The following MYO16 variants were observed in gnomAD, a reference collection of about 807,000 sequenced individuals.
The protein encoded by MYO16 is myosin XVI, also known as unconventional myosin-XVI.
A neutral mutation model predicts 205.3 loss-of-function variants in MYO16; 94 were observed. The ratio of observed to expected loss-of-function variants is 0.46; its 90% confidence interval spans 0.39 to 0.54. MYO16 has a LOEUF of 0.54. Among genes scored for constraint, MYO16 ranks in the 20% least tolerant of loss-of-function variants. The pLI, the probability that MYO16 is intolerant of heterozygous loss-of-function variation, is 0.00. For missense variants in MYO16, 2,315 were observed against 2,387.5 expected (o/e 0.97, Z 0.63); for synonymous variants, 988 against 954.0 (o/e 1.04, Z -0.66).
upstream of MYO16, chr13:108,629,506 C>T (rs186832322): frequency 3.1e-4 from 75 of 242,278 alleles, no homozygotes; most frequent in East Asian, 4.8e-3. Flanking sequence ...AGCACACCTC[C>T]GTGCAGCAGA....
rs865894694 is a variant in MYO16 at position 108,931,178 on chromosome 13, T to C, written c.1925+21028T>C. Among the ~76,000 whole-genome samples, 3 of 152,144 alleles carry C rather than the reference T, an allele frequency of 2.0e-5. No individual in the cohort carries two copies. The South Asian group carries it at 6.2e-4, about 31-fold the overall frequency. ...ATTCATATGATTCATATTTAAAGTTTTTATGATGGAAAAAATTCTAAAACC... is the reference window on the plus strand; with the variant it reads ...ATTCATATGATTCATATTTAAAGTTCTTATGATGGAAAAAATTCTAAAACC... On this transcript the variant is annotated intron_variant, in intron 16 of 34. Coordinates refer to ENST00000457511, the MANE Select transcript of MYO16 (RefSeq NM_001198950.3).
intron 7 of MYO16, among the ~76,000 whole-genome samples, chr13:108,809,297 CTTCT>C (rs1887213044): frequency 6.6e-6 from 1 of 152,152 alleles, no homozygotes; most frequent in African/African-American, 2.4e-5. Flanking sequence ...CATATACTTC[CTTCT>C]ATTTTCTCAC....
the MYO16 span, among the ~76,000 whole-genome samples, chr13:108,559,470 CTTTTT>C: frequency 3.4e-5 from 3 of 87,424 alleles, no homozygotes; most frequent in East Asian, 3.5e-4. Context: ...TTTTTCTTTT[CTTTTT>C]TTTTTTTTTT....
chr13:109,066,581 C>T (rs902809837), intron 27 of MYO16, among the ~76,000 whole-genome samples: 5 of 152,142 alleles, frequency 3.3e-5, no homozygotes, highest in African/African-American at 1.2e-4. Context: ...TGTTATGCTG[C>T]TCAGTACATT....
chr13:108,869,656 G>A (rs1392249018), intron 12 of MYO16, among the ~76,000 whole-genome samples: 3 of 148,636 alleles, frequency 2.0e-5, no homozygotes, highest in Admixed American at 6.7e-5. Flanking sequence ...GCGTGAACCC[G>A]GGAGGCGGAG....
chr13:108,943,012 C>A (rs890323937), intron 16 of MYO16, among the ~76,000 whole-genome samples: 1 of 152,092 alleles, frequency 6.6e-6, no homozygotes, highest in African/African-American at 2.4e-5. Flanking sequence ...AGTAAGGAAG[C>A]ATGATTAGTA....
At chr13:108,835,280 G>A (rs1254154994) in intron 9 of MYO16, among the ~76,000 whole-genome samples, 1 of 152,076 alleles carries the variant, frequency 6.6e-6, no homozygotes, top group East Asian at 1.9e-4. Context: ...AGATCTGATG[G>A]TTTTATAAGC....
At chr13:108,955,182 G>A (rs1287236442) in intron 16 of MYO16, among the ~76,000 whole-genome samples, 2 of 152,148 alleles carry the variant, frequency 1.3e-5, no homozygotes, top group South Asian at 2.1e-4. Flanking sequence ...TACCTGTGTC[G>A]TCCTAGAAAG....
At chr13:108,930,976 TA>T (rs894050359) in intron 16 of MYO16, among the ~76,000 whole-genome samples, 21 of 152,310 alleles carry the variant, frequency 1.4e-4, no homozygotes, top group Admixed American at 1.0e-3. Flanking sequence ...TGCTGAAGTA[TA>T]AAATATCTGT....
the MYO16 span, among the ~76,000 whole-genome samples, chr13:108,518,486 G>A: frequency 2.0e-5 from 3 of 152,100 alleles, no homozygotes; most frequent in East Asian, 5.8e-4. Context: ...TTTCCAGGAA[G>A]GCAGGAAGAA....
chr13:109,093,065 C>T (rs910451375), intron 27 of MYO16, among the ~76,000 whole-genome samples: 5 of 152,162 alleles, frequency 3.3e-5, no homozygotes, highest in South Asian at 4.2e-4. Flanking sequence ...TGTATGGAAG[C>T]GTGTTTTTAT....
the MYO16 span, among the ~76,000 whole-genome samples, chr13:108,523,735 T>A: frequency 6.6e-6 from 1 of 152,196 alleles, no homozygotes; most frequent in African/African-American, 2.4e-5. Flanking sequence ...CCCAGCCAAG[T>A]GTGCGTGTCT....
chr13:108,946,703 C>T (rs1212043788), intron 16 of MYO16, among the ~76,000 whole-genome samples: 1 of 151,758 alleles, frequency 6.6e-6, no homozygotes, highest in East Asian at 1.9e-4. Flanking sequence ...AAAACAGAGC[C>T]AATAGCCAAG....
At chr13:108,692,418 C>T (rs1882933464) in intron 2 of MYO16, among the ~76,000 whole-genome samples, 1 of 152,148 alleles carries the variant, frequency 6.6e-6, no homozygotes, top group South Asian at 2.1e-4. Context: ...GCTCTTCATG[C>T]GAGGACATCA....
At chr13:108,586,662 T>G in the MYO16 span, among the ~76,000 whole-genome samples, 3 of 152,116 alleles carry the variant, frequency 2.0e-5, no homozygotes, top group Non-Finnish European at 4.4e-5. Flanking sequence ...ATGGGTCAGG[T>G]AGTTTAGAAA....
chr13:108,801,441 A>G (rs925508283), intron 6 of MYO16, among the ~76,000 whole-genome samples: 2 of 152,228 alleles, frequency 1.3e-5, no homozygotes, highest in Non-Finnish European at 2.9e-5. Context: ...TAGAATCAGG[A>G]TGTATCAAAT....
intron 16 of MYO16, among the ~76,000 whole-genome samples, chr13:108,921,310 G>C (rs1881736138): frequency 1.3e-5 from 2 of 152,268 alleles, no homozygotes; most frequent in African/African-American, 4.8e-5. Flanking sequence ...TGAGCTCCTA[G>C]GAACCTGGGT....
intron 4 of MYO16, among the ~76,000 whole-genome samples, chr13:108,774,220 C>A (rs1178787364): frequency 1.3e-5 from 2 of 151,978 alleles, no homozygotes; most frequent in Non-Finnish European, 2.9e-5. Flanking sequence ...TAACATAAAC[C>A]AATAAATTCT....
the MYO16 span, among the ~76,000 whole-genome samples, chr13:108,555,738 A>T: frequency 1.3e-5 from 2 of 152,006 alleles, no homozygotes; most frequent in African/African-American, 4.8e-5. Context: ...ACATCCTCCC[A>T]ACTCCCTCCT....
Sources: gnomAD v4.1 joint callset for allele counts (sites outside exome capture counted in the v4.1 genomes callset) on GRCh38, gnomAD v4.1.1 for gene constraint, MANE v1.5 for transcripts, NCBI Gene and HGNC (gene_info 2026-07-23, HGNC 2026-07-21) for gene names.